Variants in TMPRSS15 observed in about 807,000 individuals in gnomAD.
TMPRSS15 encodes the protein transmembrane serine protease 15, also known as enteropeptidase.
TMPRSS15 carries 128 observed loss-of-function variants against 125.3 expected under a neutral mutation model. The ratio of observed to expected loss-of-function variants is 1.02; its 90% CI spans 0.89 to 1.18. TMPRSS15 has a LOEUF of 1.18. Among genes scored for constraint, TMPRSS15 ranks in the 50% most tolerant of loss-of-function variants. The probability of loss-of-function intolerance (pLI) is 0.00; values close to 1 mark genes in which losing one functional copy is unlikely to be tolerated. For missense variants in TMPRSS15, 1,283 were observed against 1,212.7 expected (o/e 1.06, Z -0.86); for synonymous variants, 446 against 423.2 (o/e 1.05, Z -0.66).
At chr21:18,279,183 T>A (rs1173203442) in intron 22 of TMPRSS15, 124 bp from the exon 23 acceptor site, 3 of 626,736 alleles carry the variant, frequency 4.8e-6, no homozygotes, top group Non-Finnish European at 5.7e-6. Context: ...TTTTTTTTTT[T>A]AATCCTACCT....
intron 14 of TMPRSS15, among the ~76,000 whole-genome samples, chr21:18,329,844 A>T (rs538927517): frequency 1.3e-5 from 2 of 151,780 alleles, no homozygotes; most frequent in African/African-American, 4.8e-5. Flanking sequence ...CAACCTTCAG[A>T]TTTTTTTCTA....
At chr21:18,312,811 A>C (rs1050151846) in intron 18 of TMPRSS15, 134 bp downstream of exon 18, 115 of 1,193,818 alleles carry the variant, frequency 9.6e-5, no homozygotes, top group Non-Finnish European at 1.2e-4. Flanking sequence ...CAAGATTTTT[A>C]TTTTCTCCCT....
chr21:18,397,940 C>T lies in TMPRSS15; in HGVS notation c.283G>A (p.Glu95Lys), dbSNP rs762518947. 4.7e-6 allele frequency: 7 copies of T among 1,503,456 alleles called. No individual in the cohort carries two copies. The highest frequency in any genetic ancestry group is 6.4e-6 in the Non-Finnish European group (7 of 1,093,122). The allele number at this position is 1,503,456 out of a possible 1,614,324, so 93.1% of individuals were successfully genotyped here. The stretch of plus-strand genomic sequence containing the variant: ...TTCAGATTGCTTGATAGAAAGATCT[C>T]ATCTATCTAGAAAAATATAAAAGAT... ...LAFDLQQMID[E>K]IFLSSNLKNE... Residue 95 changes from glutamate to lysine, a missense_variant, in exon 3 of 25, where the codon GAG becomes AAG. Physicochemically the swap from Glu to Lys is moderately conservative, Grantham distance 56 (BLOSUM62 1). Coordinates refer to ENST00000284885, the MANE Select transcript of TMPRSS15 (RefSeq NM_002772.3).
intron 16 of TMPRSS15, among the ~76,000 whole-genome samples, chr21:18,324,442 C>G (rs1006788225): frequency 1.3e-5 from 2 of 152,048 alleles, no homozygotes; most frequent in Admixed American, 1.3e-4. Context: ...ACAAAGGCCT[C>G]TAGTCAAATC....
intron 1 of TMPRSS15, among the ~76,000 whole-genome samples, chr21:18,415,903 A>G (rs192529459): frequency 7.0e-4 from 107 of 152,162 alleles, no homozygotes; most frequent in African/African-American, 2.5e-3. Flanking sequence ...GAGAACCCTA[A>G]AACTCCACCT....
At chr21:18,398,094 G>C (rs945373140) in intron 2 of TMPRSS15, 105 bp downstream of exon 2, 29 of 1,395,070 alleles carry the variant, frequency 2.1e-5, no homozygotes, top group Admixed American at 5.2e-5. Context: ...GAGTATCTTG[G>C]GCATATTACA....
chr21:18,396,800 G>GTCTA lies in TMPRSS15; in HGVS notation c.344+1078_344+1079insTAGA, dbSNP rs1324901762. ...AAAAAAAAAAAAAAAAAATCTGTCT[G>GTCTA]TCTGTCTGTCTATCTATCTATCTAT... On this transcript the variant is annotated intron_variant, in intron 3 of 24. Transcript: ENST00000284885. Among the ~76,000 whole-genome samples the GTCTA allele has an allele frequency of 1.6e-3, 110 of 67,794 alleles. 1 individual carries two copies. Among genetic ancestry groups the GTCTA allele is most frequent in the African/African-American group, 3.8e-3 (57 of 15,000 alleles). 44.5% of individuals were successfully genotyped at this position (67,794 alleles called of 152,430 possible).
intron 16 of TMPRSS15, among the ~76,000 whole-genome samples, chr21:18,316,375 T>A (rs920548261): frequency 6.6e-6 from 1 of 152,194 alleles, no homozygotes; most frequent in Non-Finnish European, 1.5e-5. Flanking sequence ...GGCCTCACCA[T>A]CCAAATGATA....
At chr21:18,353,964 T>A (rs1039378106) in intron 8 of TMPRSS15, 101 bp from the exon 9 acceptor site, 14 of 1,115,356 alleles carry the variant, frequency 1.3e-5, no homozygotes, top group Non-Finnish European at 1.6e-5. Context: ...TGTCAGTTGA[T>A]CTATACAAAT....
At chr21:18,458,235 T>A (rs567056217) in intron 1 of TMPRSS15, among the ~76,000 whole-genome samples, 1 of 152,274 alleles carries the variant, frequency 6.6e-6, no homozygotes, top group African/African-American at 2.4e-5. Flanking sequence ...ATGAAAAAAA[T>A]AATTGGGGAA....
chr21:18,446,362 A>G (rs1367422818), intron 1 of TMPRSS15, among the ~76,000 whole-genome samples: 3 of 152,168 alleles, frequency 2.0e-5, no homozygotes, highest in Non-Finnish European at 4.4e-5. Flanking sequence ...AATTCTGTAA[A>G]AATAACAATA....
At chr21:18,327,264 A>G (rs2075301562) in intron 15 of TMPRSS15, among the ~76,000 whole-genome samples, 1 of 152,220 alleles carries the variant, frequency 6.6e-6, no homozygotes, top group Non-Finnish European at 1.5e-5. Context: ...TGATTTGTTT[A>G]ACTATTAACA....
chr21:18,368,517 C>A (rs1400181595), intron 6 of TMPRSS15, among the ~76,000 whole-genome samples: 1 of 152,158 alleles, frequency 6.6e-6, no homozygotes, highest in Non-Finnish European at 1.5e-5. Flanking sequence ...GTAGAGGACT[C>A]TGGGGGCAGA....
chr21:18,290,561 T>C (rs2074821622), intron 21 of TMPRSS15, among the ~76,000 whole-genome samples: 1 of 151,080 alleles, frequency 6.6e-6, no homozygotes, highest in South Asian at 2.1e-4. Flanking sequence ...TTCAAAAATA[T>C]TAAAAACAAG....
intron 1 of TMPRSS15, among the ~76,000 whole-genome samples, chr21:18,472,023 G>A (rs1041098640): frequency 4.6e-5 from 7 of 152,080 alleles, no homozygotes; most frequent in African/African-American, 1.7e-4. Flanking sequence ...ATCATAGGGA[G>A]AGACAGAATA....
rs372012572 is a variant in TMPRSS15 at position 18,445,186 on chromosome 21, C to T, written c.10+40613G>A. ...TATACCCCATTTAAAAAAATCCATT[C>T]TTGCATTGGTATATACCACATTTTT... On this transcript the variant is annotated intron_variant, in intron 1 of 7. Transcript: ENST00000422787. 1.5e-4 allele frequency among the ~76,000 whole-genome samples: 22 copies of T among 145,916 alleles called. No individual in the cohort carries two copies. In the South Asian group the frequency reaches 2.3e-3, roughly 15 times the overall value.
chr21:18,272,240 T>A (rs1190759367), intron 24 of TMPRSS15, among the ~76,000 whole-genome samples: 3 of 152,230 alleles, frequency 2.0e-5, no homozygotes, highest in Non-Finnish European at 2.9e-5. Flanking sequence ...GTTTCTTGAC[T>A]TTTTAATAAT....
In TMPRSS15 at chr21:18,471,204, TAAC is replaced by T. The variant is rs927303931; in HGVS notation, c.10+14592_10+14594del. ...AAGGAAATTAAGCTGGTTTTGATAA[TAAC>T]AACAACAACAAAAACAAAAAGAATG... is the stretch of plus-strand genomic sequence containing the variant. On this transcript the variant is annotated intron_variant, in intron 1 of 7. Coordinates refer to the TMPRSS15 transcript ENST00000422787. 7.2e-5 allele frequency among the ~76,000 whole-genome samples: 11 copies of T among 151,864 alleles called. No homozygotes were observed. In the South Asian group the frequency reaches 1.9e-3, roughly 26 times the overall value.
intron 3 of TMPRSS15, 65 bp from the exon 4 acceptor site, chr21:18,383,843 C>A (rs758756556): frequency 1.0e-4 from 156 of 1,553,406 alleles, no homozygotes; most frequent in Non-Finnish European, 1.3e-4. Flanking sequence ...GTGTTCAATT[C>A]ATGTTAAATG....
Sources: allele counts gnomAD v4.1 joint callset (sites outside exome capture counted in the v4.1 genomes callset), GRCh38; gene constraint gnomAD v4.1.1; transcripts MANE v1.5; gene names NCBI Gene and HGNC (gene_info 2026-07-23, HGNC 2026-07-21).